ZNF385D: variants seen among roughly 807,000 people sequenced by gnomAD.
ZNF385D encodes the protein zinc finger protein 659.
ZNF385D carries 15 observed loss-of-function variants against 35.8 expected under a neutral mutation model. That is an observed-to-expected ratio of 0.42 (90% CI 0.28 to 0.64). The LOEUF is 0.64. Ranked by LOEUF, ZNF385D falls within the 30% of genes least tolerant of loss-of-function variation. ZNF385D has a pLI of 0.23. For missense variants in ZNF385D, 474 were observed against 494.6 expected, an observed-to-expected ratio of 0.96 and a Z score of 0.39; for synonymous variants, 212 against 186.8, an observed-to-expected ratio of 1.13 and a Z score of -1.10.
At chr3:22,198,734 C>A (rs900379311) in intron 2 of ZNF385D, among the ~76,000 whole-genome samples, 1 of 152,046 alleles carries the variant, frequency 6.6e-6, no homozygotes, top group Admixed American at 6.6e-5. Context: ...AGTGAACACA[C>A]ATTCACTATA....
chr3:22,070,121 C>T (rs1700156921), intron 3 of ZNF385D, among the ~76,000 whole-genome samples: 1 of 152,034 alleles, frequency 6.6e-6, no homozygotes, highest in South Asian at 2.1e-4. Context: ...AATAATTTCC[C>T]ACAAATGTTC....
intron 1 of ZNF385D, among the ~76,000 whole-genome samples, chr3:21,708,032 G>T (rs998836829): frequency 6.6e-6 from 1 of 152,116 alleles, no homozygotes; most frequent in African/African-American, 2.4e-5. Context: ...ATCTCTATGT[G>T]ACTCAGTTTC....
chr3:21,487,342 C>T (rs1471392290), intron 4 of ZNF385D, among the ~76,000 whole-genome samples: 1 of 151,676 alleles, frequency 6.6e-6, no homozygotes, highest in Non-Finnish European at 1.5e-5. Flanking sequence ...TGCTTATTAT[C>T]ACATTTGTTA....
intron 1 of ZNF385D, among the ~76,000 whole-genome samples, chr3:21,716,222 C>T (rs2068313119): frequency 6.6e-6 from 1 of 152,012 alleles, no homozygotes; most frequent in African/African-American, 2.4e-5. Flanking sequence ...TGTTTCTTCC[C>T]TTGTCCATAT....
chr3:21,953,843 C>T (rs983890994), intron 3 of ZNF385D, among the ~76,000 whole-genome samples: 7 of 152,068 alleles, frequency 4.6e-5, no homozygotes, highest in Admixed American at 2.0e-4. Context: ...TTTCTAATTA[C>T]GGTAGTAAAC....
At chr3:21,691,012 C>A (rs1317101070) in intron 1 of ZNF385D, among the ~76,000 whole-genome samples, 1 of 152,142 alleles carries the variant, frequency 6.6e-6, no homozygotes, top group Non-Finnish European at 1.5e-5. Context: ...AATCTGTGGT[C>A]CCTGAATGTT....
At chr3:22,235,559 T>C (rs1375654367) in intron 2 of ZNF385D, among the ~76,000 whole-genome samples, 1 of 152,114 alleles carries the variant, frequency 6.6e-6, no homozygotes, top group Non-Finnish European at 1.5e-5. Context: ...AAACAGTGTT[T>C]TCTAAATGTT....
At chr3:22,014,354 A>G (rs1696753402) in intron 3 of ZNF385D, among the ~76,000 whole-genome samples, 4 of 152,160 alleles carry the variant, frequency 2.6e-5, no homozygotes, top group African/African-American at 9.7e-5. Flanking sequence ...TAATACATCC[A>G]TGCTCCCTCA....
chr3:21,623,052 C>G (rs919834689), intron 2 of ZNF385D, among the ~76,000 whole-genome samples: 2 of 152,066 alleles, frequency 1.3e-5, no homozygotes, highest in Non-Finnish European at 2.9e-5. Flanking sequence ...CATGTTCGAG[C>G]ACAGGGGTTC....
chr3:21,709,417 T>C (rs1474911319), intron 1 of ZNF385D, among the ~76,000 whole-genome samples: 1 of 152,150 alleles, frequency 6.6e-6, no homozygotes, highest in Non-Finnish European at 1.5e-5. Flanking sequence ...AACCCTAAGG[T>C]GACTGACCAT....
intron 2 of ZNF385D, among the ~76,000 whole-genome samples, chr3:22,284,215 C>A (rs760426879): frequency 2.0e-5 from 3 of 151,984 alleles, no homozygotes; most frequent in Admixed American, 1.3e-4. Context: ...GTTTTTGAGA[C>A]GGAGTCTCTG....
chr3:22,113,764 T>C (rs373338587), intron 3 of ZNF385D, among the ~76,000 whole-genome samples: 2 of 152,006 alleles, frequency 1.3e-5, no homozygotes, highest in East Asian at 1.9e-4. Context: ...GGCGGGTGAA[T>C]CACGAGTCAG....
chr3:22,241,266 G>A (rs1699477599), intron 2 of ZNF385D, among the ~76,000 whole-genome samples: 1 of 151,186 alleles, frequency 6.6e-6, no homozygotes, highest in Non-Finnish European at 1.5e-5. Context: ...GGTGAGGAAG[G>A]TGGCAAGACT....
At chr3:21,750,654 C>T (rs1458760960) in intron 1 of ZNF385D, among the ~76,000 whole-genome samples, 1 of 151,542 alleles carries the variant, frequency 6.6e-6, no homozygotes, top group African/African-American at 2.4e-5. Context: ...ACCCCCCCGC[C>T]CCCTCCACAT....
intron 2 of ZNF385D, among the ~76,000 whole-genome samples, chr3:22,190,945 A>G (rs1271177916): frequency 2.6e-5 from 4 of 152,258 alleles, no homozygotes; most frequent in African/African-American, 9.6e-5. Flanking sequence ...AAAGTACCTA[A>G]AAGTCATATT....
chr3:22,265,799 G>T (rs559752870), intron 2 of ZNF385D, among the ~76,000 whole-genome samples: 2 of 152,034 alleles, frequency 1.3e-5, no homozygotes, highest in East Asian at 3.9e-4. Flanking sequence ...TTTAACATTT[G>T]CTGCCTCATT....
intron 3 of ZNF385D, among the ~76,000 whole-genome samples, chr3:22,033,029 A>C (rs1293804858): frequency 1.3e-5 from 2 of 152,174 alleles, no homozygotes. Context: ...ACTGAGAAGA[A>C]GAAGACAGAA....
chr3:22,270,175 A>G (rs2125360016), intron 2 of ZNF385D, among the ~76,000 whole-genome samples: 2 of 152,074 alleles, frequency 1.3e-5, no homozygotes, highest in South Asian at 4.1e-4. Flanking sequence ...CCCCCTAGAA[A>G]AAGCCCTTTC....
intron 3 of ZNF385D, among the ~76,000 whole-genome samples, chr3:22,138,237 C>T (rs1341675952): frequency 1.3e-5 from 2 of 152,284 alleles, no homozygotes; most frequent in Admixed American, 6.5e-5. Context: ...AATGGCCATA[C>T]TGCCCAAGGC....
Sources: allele counts gnomAD v4.1 joint callset (sites outside exome capture counted in the v4.1 genomes callset), GRCh38; gene constraint gnomAD v4.1.1; transcripts MANE v1.5; gene names NCBI Gene and HGNC (gene_info 2026-07-23, HGNC 2026-07-21).